Variants in PPIL2 observed in about 807,000 individuals in gnomAD.
The protein encoded by PPIL2 is RING-type E3 ubiquitin-protein ligase PPIL2.
A neutral mutation model predicts 75.2 loss-of-function variants in PPIL2; 50 were observed. The ratio of observed to expected loss-of-function variants is 0.66; its 90% CI spans 0.53 to 0.84. The LOEUF is 0.84. Ranked by LOEUF, PPIL2 falls within the 40% of genes least tolerant of loss-of-function variation. PPIL2 has a pLI of 0.00. For missense variants in PPIL2, 590 were observed against 685.0 expected (o/e 0.86, Z 1.55); for synonymous variants, 245 against 258.8 (o/e 0.95, Z 0.51).
intron 6 of PPIL2, among the ~76,000 whole-genome samples, chr22:21,677,557 C>T (rs943568015): frequency 1.3e-4 from 20 of 152,094 alleles, no homozygotes; most frequent in African/African-American, 4.6e-4. Flanking sequence ...ACCAGTCAGG[C>T]GTGGCGGCGC....
At position 21,696,577 on chromosome 22, in the gene PPIL2, G is replaced by A. The variant is rs1323892654; in HGVS notation, c.*1087G>A. On this transcript the variant is annotated 3_prime_UTR_variant, in exon 20 of 20. Transcript: ENST00000398831. ...GGCTTTTTCTTCGTCTTCAGCCCAG[G>A]CCAGTGGTCAGTGTTCTCATGTCAT... 2.3e-5 allele frequency: 33 copies of A among 1,427,458 alleles called. No homozygotes were observed. Among genetic ancestry groups the A allele is most frequent in the Non-Finnish European group, 2.9e-5 (32 of 1,091,774 alleles). The allele number at this position is 1,427,458 out of a possible 1,614,324, so 88.4% of individuals were successfully genotyped here.
chr22:21,688,020 G>A (rs1383046775), intron 13 of PPIL2, 53 bp from the exon 14 acceptor site: 10 of 1,611,470 alleles, frequency 6.2e-6, no homozygotes, highest in Middle Eastern at 1.6e-4. Context: ...TCAGGCAGGC[G>A]GTGGGCCTCG....
chr22:21,675,661 A>G lies in PPIL2; in HGVS notation c.295+546A>G, dbSNP rs568350904. Reference sequence around the variant, plus strand: ...GGCGATCAGGCCATTGTAAGCTGCTAGTGGCCTTTGTGGGCACAGTTGGAT... The same window carrying G: ...GGCGATCAGGCCATTGTAAGCTGCTGGTGGCCTTTGTGGGCACAGTTGGAT... On this transcript the variant is annotated intron_variant, in intron 6 of 19. Coordinates refer to ENST00000398831, the MANE Select transcript of PPIL2 (RefSeq NM_014337.4). Among the ~76,000 whole-genome samples the G allele has an allele frequency of 2.0e-5, 3 of 152,346 alleles. No homozygotes were observed. In the East Asian group the frequency reaches 5.8e-4, roughly 29 times the overall value.
chr22:21,686,689 C>T (rs1195051625), intron 11 of PPIL2, 131 bp downstream of exon 11: 18 of 1,076,654 alleles, frequency 1.7e-5, no homozygotes, highest in Non-Finnish European at 2.3e-5. Flanking sequence ...AGTCCTCCCC[C>T]TCTTAGCTGC....
Position 21,680,423 on chromosome 22 carries a change from CCGGAGG to C in PPIL2, c.296-868_296-863del, listed in dbSNP as rs1302551024. 3.9e-5 allele frequency among the ~76,000 whole-genome samples: 6 copies of C among 152,246 alleles called. No individual in the cohort carries two copies. The East Asian group carries it at 1.2e-3, about 29-fold the overall frequency. On this transcript the variant is annotated intron_variant, in intron 6 of 19. Transcript: ENST00000398831. ...ATGCATGCCTGTAGTCTCAGCTACT[CCGGAGG>C]CGGAGGCAGCAGAATCGCTGGAACC...
Position 21,682,543 on chromosome 22 carries a change from T to C in PPIL2, c.477+17T>C, listed in dbSNP as rs1669112. 0.6 allele frequency: 960,739 copies of C among 1,605,296 alleles called. 290,149 individuals are homozygous for C. Among genetic ancestry groups the C allele is most frequent in the Middle Eastern group, 0.63 (3,795 of 6,044 alleles). Reference sequence around the variant, plus strand: ...ACCCTCCAGGTGAGTGTCCCCTGCCTGCCTGCCCCAGCTGCCTTCAGCACC... The same window carrying C: ...ACCCTCCAGGTGAGTGTCCCCTGCCCGCCTGCCCCAGCTGCCTTCAGCACC... On this transcript the variant is annotated intron_variant, in intron 8 of 19. Coordinates refer to ENST00000398831, the MANE Select transcript of PPIL2 (RefSeq NM_014337.4).
rs574857863 is a variant in PPIL2 at position 21,684,732 on chromosome 22, G to C, written c.554-21G>C. 9 of 1,612,634 alleles carry C rather than the reference G, an allele frequency of 5.6e-6. No individual in the cohort carries two copies. In the African/African-American group the frequency reaches 9.3e-5, roughly 17 times the overall value. ...GGCTACTGGGGGCTCGGCGGCTCAG[G>C]GCCATGCTACTGTTTTGTAGATGAA... On this transcript the variant is annotated intron_variant, in intron 9 of 19. Coordinates refer to ENST00000398831, the MANE Select transcript of PPIL2 (RefSeq NM_014337.4).
intron 1 of PPIL2, among the ~76,000 whole-genome samples, chr22:21,668,435 G>A (rs1459723199): frequency 6.6e-6 from 1 of 151,272 alleles, no homozygotes; most frequent in Non-Finnish European, 1.5e-5. Context: ...GACCATCCTG[G>A]CTAACACGGT....
chr22:21,690,332 T>C (rs1017479749), intron 15 of PPIL2, among the ~76,000 whole-genome samples: 5 of 150,874 alleles, frequency 3.3e-5, no homozygotes, highest in Non-Finnish European at 7.4e-5. Context: ...TGCAGTGAGC[T>C]AGGATCGCGC....
At chr22:21,691,389 T>C (rs1181189394) in intron 15 of PPIL2, among the ~76,000 whole-genome samples, 6 of 152,100 alleles carry the variant, frequency 3.9e-5, no homozygotes, top group African/African-American at 9.7e-5. Context: ...TTAAAGATTT[T>C]CCAGGAGGAG....
intron 15 of PPIL2, among the ~76,000 whole-genome samples, chr22:21,689,074 C>T (rs756693550): frequency 6.6e-6 from 1 of 152,218 alleles, no homozygotes; most frequent in East Asian, 1.9e-4. Context: ...GACCAGAAGT[C>T]GGGAATTACT....
chr22:21,679,186 G>A (rs933152055), intron 6 of PPIL2, among the ~76,000 whole-genome samples: 1 of 151,836 alleles, frequency 6.6e-6, no homozygotes, highest in Non-Finnish European at 1.5e-5. Flanking sequence ...GTGAGCCACC[G>A]CGCCCAGCCC....
chr22:21,672,703 T>C (rs2066682201), intron 5 of PPIL2, among the ~76,000 whole-genome samples: 1 of 152,356 alleles, frequency 6.6e-6, no homozygotes, highest in African/African-American at 2.4e-5. Context: ...CCAGTGAGCA[T>C]CAGTTTTGTG....
chr22:21,690,829 G>A (rs1439653847), intron 15 of PPIL2, among the ~76,000 whole-genome samples: 1 of 152,174 alleles, frequency 6.6e-6, no homozygotes, highest in Non-Finnish European at 1.5e-5. Context: ...TTATTTTCAA[G>A]TAGGTTGGGT....
intron 10 of PPIL2, among the ~76,000 whole-genome samples, chr22:21,685,304 C>T (rs2067310960): frequency 6.6e-6 from 1 of 152,104 alleles, no homozygotes; most frequent in African/African-American, 2.4e-5. Context: ...GGGCAGGGCC[C>T]GATGTGCACT....
rs199940946 is a variant in PPIL2 at position 21,670,531 on chromosome 22, G to A, written c.83-35G>A. ...GCACATAGATGAAATACTTTACAGA[G>A]TAAGATTTCTGTTTTTTATTTCATT... On this transcript the variant is annotated intron_variant, in intron 2 of 19. Coordinates refer to ENST00000398831, the MANE Select transcript of PPIL2 (RefSeq NM_014337.4). The A allele has an allele frequency of 5.1e-6, 8 of 1,576,282 alleles. No individual in the cohort carries two copies. In the East Asian group the frequency reaches 6.7e-5, roughly 13 times the overall value.
In PPIL2 at chr22:21,671,024, A is replaced by G; in HGVS notation, c.156A>G (p.Pro52=). 1.2e-6 allele frequency: 2 copies of G among 1,613,396 alleles called. No individual in the cohort carries two copies. The highest frequency in any genetic ancestry group is 1.7e-6 in the Non-Finnish European group (2 of 1,179,290). ...CSLSLQPFVY[P]VCTPDGIVFD... ...TCTCTCTGCAGCCCTTTGTCTACCC[A>G]GTCTGCACTCCCGATGGCATCGTCT... The change falls in exon 4 of 20, where the codon CCA becomes CCG. Residue 52 remains proline (P), a synonymous_variant. Coordinates refer to ENST00000398831, the MANE Select transcript of PPIL2 (RefSeq NM_014337.4).
At chr22:21,694,709 A>G (rs778936715) in intron 17 of PPIL2, 44 bp downstream of exon 17, 45 of 1,612,410 alleles carry the variant, frequency 2.8e-5, no homozygotes, top group Non-Finnish European at 3.7e-5. Context: ...GGGGCCAGGC[A>G]GGCAGGGGGA....
chr22:21,672,577 A>G (rs2066678022), intron 5 of PPIL2, among the ~76,000 whole-genome samples, 196 bp downstream of exon 5: 1 of 152,094 alleles, frequency 6.6e-6, no homozygotes. Context: ...GCACGTGTAT[A>G]TATGTGCATG....
Sources: allele counts gnomAD v4.1 joint callset (sites outside exome capture counted in the v4.1 genomes callset), GRCh38; gene constraint gnomAD v4.1.1; transcripts MANE v1.5; gene names NCBI Gene and HGNC (gene_info 2026-07-23, HGNC 2026-07-21).